Variants in LRRC4C observed in about 807,000 individuals in gnomAD.
The protein encoded by LRRC4C is leucine rich repeat containing 4C, also known as leucine-rich repeat-containing protein 4C.
LRRC4C carries 5 observed loss-of-function variants against 33.6 expected under a neutral mutation model. That is an observed-to-expected ratio of 0.15 (90% confidence interval 0.08 to 0.31). The LOEUF is 0.31. Among genes scored for constraint, LRRC4C ranks in the 10% least tolerant of loss-of-function variants. The probability of loss-of-function intolerance (pLI) is 1.00; values close to 1 mark genes in which losing one functional copy is unlikely to be tolerated. For synonymous variants in LRRC4C, 329 were observed against 302.0 expected (o/e 1.09, Z -0.93); for missense variants, 560 against 796.7 (o/e 0.70, Z 3.58).
intron 1 of LRRC4C, among the ~76,000 whole-genome samples, chr11:41,017,898 C>CTA (rs1485341747): frequency 6.6e-6 from 1 of 151,732 alleles, no homozygotes. Context: ...ATTCACAGAA[C>CTA]TATAATTAAG....
intron 1 of LRRC4C, among the ~76,000 whole-genome samples, chr11:41,148,880 C>T (rs547153089): frequency 6.6e-6 from 1 of 152,218 alleles, no homozygotes; most frequent in Admixed American, 6.5e-5. Context: ...ATGATAATTA[C>T]GTTAGCTATT....
chr11:40,254,628 G>T (rs1867056789), intron 4 of LRRC4C, among the ~76,000 whole-genome samples: 1 of 152,148 alleles, frequency 6.6e-6, no homozygotes, highest in Admixed American at 6.6e-5. Flanking sequence ...GTTCCTATAT[G>T]ATATACGCAT....
At chr11:40,504,619 A>G (rs1203088382) in intron 3 of LRRC4C, among the ~76,000 whole-genome samples, 4 of 152,170 alleles carry the variant, frequency 2.6e-5, no homozygotes, top group South Asian at 2.1e-4. Flanking sequence ...TTGGAGGAAG[A>G]AGATGTTTTC....
chr11:41,424,730 A>T (rs1259256616), intron 1 of LRRC4C, among the ~76,000 whole-genome samples: 1 of 152,106 alleles, frequency 6.6e-6, no homozygotes, highest in South Asian at 2.1e-4. Flanking sequence ...TATAATACGC[A>T]TTTATTTTAA....
intron 2 of LRRC4C, among the ~76,000 whole-genome samples, chr11:40,775,176 C>G (rs372211162): frequency 6.6e-6 from 1 of 151,888 alleles, no homozygotes. Flanking sequence ...TTTGGGAGGC[C>G]GAGGTGGATG....
chr11:40,734,224 G>T (rs565836896), intron 2 of LRRC4C, among the ~76,000 whole-genome samples: 75 of 152,148 alleles, frequency 4.9e-4, no homozygotes, highest in Non-Finnish European at 9.9e-4. Context: ...GAGTCTGAAG[G>T]GTTGGGGAGT....
At chr11:41,448,120 C>CTTTTTTTTTTTTTTTTTTTT (rs1211366298) in intron 1 of LRRC4C, among the ~76,000 whole-genome samples, 8 of 23,852 alleles carry the variant, frequency 3.4e-4, no homozygotes, top group South Asian at 7.0e-4. Flanking sequence ...CTGCACACGT[C>CTTTTTTTTTTTTTTTTTTTT]TGTTTTTTTT....
chr11:41,159,838 C>G (rs1369365940), intron 1 of LRRC4C, among the ~76,000 whole-genome samples: 1 of 152,006 alleles, frequency 6.6e-6, no homozygotes, highest in Non-Finnish European at 1.5e-5. Flanking sequence ...CATGGTTAAT[C>G]AAAACATGGA....
At chr11:41,150,747 C>A (rs977410404) in intron 1 of LRRC4C, among the ~76,000 whole-genome samples, 5 of 151,260 alleles carry the variant, frequency 3.3e-5, no homozygotes, top group Non-Finnish European at 7.4e-5. Context: ...CGAGATCATG[C>A]CACTGCACAA....
intron 3 of LRRC4C, among the ~76,000 whole-genome samples, chr11:40,481,450 G>A (rs1225471071): frequency 3.3e-5 from 5 of 152,144 alleles, no homozygotes; most frequent in South Asian, 2.1e-4. Flanking sequence ...CATACTGGGT[G>A]TTAAAATTTA....
At chr11:40,645,583 T>G (rs536646384) in intron 3 of LRRC4C, among the ~76,000 whole-genome samples, 1 of 152,030 alleles carries the variant, frequency 6.6e-6, no homozygotes, top group Non-Finnish European at 1.5e-5. Flanking sequence ...TTTTATACAT[T>G]TTTCTACAAT....
rs140398460 is a variant in LRRC4C at position 40,676,778 on chromosome 11, T to C, written c.-406-28500A>G. Among the ~76,000 whole-genome samples, 554 of 152,214 alleles carry C rather than the reference T, an allele frequency of 3.6e-3. 3 individuals are homozygous for C. The highest frequency in any genetic ancestry group is 0.013 in the African/African-American group (523 of 41,542). On this transcript the variant is annotated intron_variant, in intron 2 of 6. Coordinates refer to ENST00000528697, the MANE Select transcript of LRRC4C (RefSeq NM_001258419.2). ...GCACATGGGATGGGCTACAAGCAAA[T>C]AGGCCAAATAATTAACAAACTTCAG...
intron 3 of LRRC4C, among the ~76,000 whole-genome samples, chr11:40,645,850 C>T (rs1257714001): frequency 6.6e-6 from 1 of 152,140 alleles, no homozygotes; most frequent in East Asian, 1.9e-4. Context: ...CTGTGGAGTC[C>T]TTGCTGAGCT....
At chr11:40,210,231 C>T (rs779081393) in intron 5 of LRRC4C, among the ~76,000 whole-genome samples, 8 of 150,894 alleles carry the variant, frequency 5.3e-5, no homozygotes, top group African/African-American at 1.7e-4. Context: ...TCGGCCTGGG[C>T]GACAGAGCGA....
At chr11:40,116,402 T>C in intron 6 of LRRC4C, 68 bp from the exon 7 acceptor site, 1 of 1,464,846 alleles carries the variant, frequency 6.8e-7, no homozygotes, top group Non-Finnish European at 9.1e-7. Flanking sequence ...TCTGGAGTAA[T>C]GTCGGTGATA....
chr11:40,744,068 AT>A lies in LRRC4C; in HGVS notation c.-406-95791del, dbSNP rs529898671. On this transcript the variant is annotated intron_variant, in intron 2 of 6. Coordinates refer to ENST00000528697, the MANE Select transcript of LRRC4C (RefSeq NM_001258419.2). Reference sequence around the variant, plus strand: ...TTTATTTAGATTCTTATGTATGTACATTTCTTTGTGTTCACCGTGTTCCGGC... The same window carrying A: ...TTTATTTAGATTCTTATGTATGTACATTCTTTGTGTTCACCGTGTTCCGGC... 2.5e-3 allele frequency among the ~76,000 whole-genome samples: 376 copies of A among 152,234 alleles called. 1 individual carries two copies. The highest frequency in any genetic ancestry group is 3.0e-3 in the Non-Finnish European group (201 of 67,990).
chr11:40,555,683 T>C (rs1332270338), intron 3 of LRRC4C, among the ~76,000 whole-genome samples: 3 of 152,116 alleles, frequency 2.0e-5, no homozygotes, highest in Non-Finnish European at 4.4e-5. Context: ...ACACTAACGA[T>C]AGCTGATGAG....
At chr11:40,123,445 A>C (rs956552371) in intron 6 of LRRC4C, among the ~76,000 whole-genome samples, 1 of 152,138 alleles carries the variant, frequency 6.6e-6, no homozygotes, top group Non-Finnish European at 1.5e-5. Context: ...CTAAATACCA[A>C]TCGCAAACAA....
At chr11:40,831,877 A>C (rs2135551316) in intron 2 of LRRC4C, among the ~76,000 whole-genome samples, 1 of 152,272 alleles carries the variant, frequency 6.6e-6, no homozygotes, top group Non-Finnish European at 1.5e-5. Context: ...CCCATGACAC[A>C]TGGGGATTAT....
Sources: gnomAD v4.1 joint callset for allele counts (sites outside exome capture counted in the v4.1 genomes callset) on GRCh38, gnomAD v4.1.1 for gene constraint, MANE v1.5 for transcripts, NCBI Gene and HGNC (gene_info 2026-07-23, HGNC 2026-07-21) for gene names.